The following ERC2 variants were observed in gnomAD, a reference collection of about 807,000 sequenced individuals.
ERC2 encodes the protein ELKS/RAB6-interacting/CAST family member 2.
ERC2 carries 42 observed loss-of-function variants against 114.8 expected under a neutral mutation model. The observed-to-expected ratio is 0.37, with a 90% CI of 0.29 to 0.47. The LOEUF is 0.47. Among genes scored for constraint, ERC2 ranks in the 20% least tolerant of loss-of-function variants. The pLI is 0.99. For synonymous variants in ERC2, 454 were observed against 425.5 expected (o/e 1.07, Z -0.82); for missense variants, 939 against 1,150.7 (o/e 0.82, Z 2.66).
intron 6 of ERC2, among the ~76,000 whole-genome samples, chr3:56,094,601 A>T (rs9857687): frequency 0.18 from 27,244 of 152,186 alleles, 2,602 homozygotes; most frequent in African/African-American, 0.23. Context: ...ACTTCTAAGG[A>T]CTTTACCTAA....
At chr3:55,901,085 G>C (rs765333995) in intron 13 of ERC2, among the ~76,000 whole-genome samples, 1 of 152,174 alleles carries the variant, frequency 6.6e-6, no homozygotes, top group East Asian at 1.9e-4. Flanking sequence ...AAAATCCCTG[G>C]CTCATTTTCT....
At chr3:56,306,897 T>C (rs185097537) in intron 2 of ERC2, among the ~76,000 whole-genome samples, 40 of 152,310 alleles carry the variant, frequency 2.6e-4, no homozygotes. Context: ...AAGACCTACC[T>C]TACGTCACAG....
intron 2 of ERC2, among the ~76,000 whole-genome samples, chr3:56,353,222 T>C (rs2150531990): frequency 6.6e-6 from 1 of 152,134 alleles, no homozygotes; most frequent in East Asian, 1.9e-4. Context: ...AGATACTGAA[T>C]TGTATGCAAA....
intron 14 of ERC2, among the ~76,000 whole-genome samples, chr3:55,791,542 T>A (rs1023353673): frequency 6.6e-6 from 1 of 152,202 alleles, no homozygotes; most frequent in African/African-American, 2.4e-5. Context: ...GAGAAATGTC[T>A]GAGATGTTTT....
intron 13 of ERC2, among the ~76,000 whole-genome samples, chr3:55,895,442 C>T (rs1178252986): frequency 3.3e-5 from 5 of 152,142 alleles, no homozygotes; most frequent in Non-Finnish European, 4.4e-5. Context: ...TTGACATAAG[C>T]GTAAAGTGAA....
chr3:56,104,795 G>A (rs1292201786), intron 6 of ERC2, among the ~76,000 whole-genome samples: 1 of 152,160 alleles, frequency 6.6e-6, no homozygotes, highest in East Asian at 1.9e-4. Context: ...TGTTCTGGAT[G>A]TTAGGAATAT....
intron 17 of ERC2, among the ~76,000 whole-genome samples, chr3:55,524,428 G>A (rs372799524): frequency 1.1e-4 from 17 of 151,230 alleles, no homozygotes; most frequent in African/African-American, 3.2e-4. Context: ...AGCCAGCCAC[G>A]TTGGCAGCCT....
At chr3:55,901,400 C>G (rs1202198206) in intron 13 of ERC2, among the ~76,000 whole-genome samples, 1 of 152,154 alleles carries the variant, frequency 6.6e-6, no homozygotes, top group Non-Finnish European at 1.5e-5. Context: ...TCTGGAGCAG[C>G]TCAGGGTCCT....
intron 17 of ERC2, among the ~76,000 whole-genome samples, chr3:55,622,076 G>A (rs571000540): frequency 9.9e-5 from 15 of 152,224 alleles, no homozygotes; most frequent in Non-Finnish European, 1.6e-4. Flanking sequence ...TGTTTGCTTC[G>A]TACCGCCATC....
intron 8 of ERC2, among the ~76,000 whole-genome samples, chr3:56,013,878 C>T (rs1307130932): frequency 6.6e-6 from 1 of 152,092 alleles, no homozygotes; most frequent in Non-Finnish European, 1.5e-5. Context: ...AAGAAACCTC[C>T]TAGATGATAA....
chr3:56,383,962 T>G (rs1371446878), intron 2 of ERC2, among the ~76,000 whole-genome samples: 1 of 152,228 alleles, frequency 6.6e-6, no homozygotes, highest in Non-Finnish European at 1.5e-5. Flanking sequence ...ATTTGCCTTC[T>G]TGTGACTGGT....
intron 1 of ERC2, among the ~76,000 whole-genome samples, chr3:56,452,524 G>C (rs1467625722): frequency 9.9e-5 from 15 of 151,992 alleles, no homozygotes; most frequent in Admixed American, 9.8e-4. Context: ...GTTTTAAAAA[G>C]GTGTAAGAGC....
At chr3:55,716,744 C>T (rs864621) in intron 15 of ERC2, among the ~76,000 whole-genome samples, 88,297 of 152,038 alleles carry the variant, frequency 0.58, 25,992 homozygotes, top group South Asian at 0.71. Flanking sequence ...TTATCTCCAC[C>T]TCCACCCTGA....
chr3:56,198,442 A>G (rs2048230739), intron 3 of ERC2, among the ~76,000 whole-genome samples: 1 of 152,134 alleles, frequency 6.6e-6, no homozygotes, highest in Admixed American at 6.6e-5. Flanking sequence ...TGAAGCAGGG[A>G]GGCCAGGGAG....
intron 13 of ERC2, among the ~76,000 whole-genome samples, chr3:55,937,420 C>A (rs151304502): frequency 1.3e-5 from 2 of 152,308 alleles, no homozygotes; most frequent in East Asian, 3.9e-4. Context: ...CACACCTACT[C>A]AAAACCTGTA....
chr3:55,664,378 C>T (rs1698399700), intron 17 of ERC2, among the ~76,000 whole-genome samples: 1 of 152,212 alleles, frequency 6.6e-6, no homozygotes, highest in Non-Finnish European at 1.5e-5. Context: ...AGTAAGCTGT[C>T]AACAAGCTTG....
intron 17 of ERC2, among the ~76,000 whole-genome samples, chr3:55,656,340 A>T (rs918446351): frequency 6.6e-6 from 1 of 152,070 alleles, no homozygotes; most frequent in Non-Finnish European, 1.5e-5. Flanking sequence ...TATTTTTTGT[A>T]GAGCTGGGAG....
At chr3:55,839,457 C>A (rs1447618347) in intron 14 of ERC2, among the ~76,000 whole-genome samples, 1 of 151,808 alleles carries the variant, frequency 6.6e-6, no homozygotes, top group Non-Finnish European at 1.5e-5. Flanking sequence ...ATCATTTAAA[C>A]TTCTAATTAG....
intron 3 of ERC2, among the ~76,000 whole-genome samples, chr3:56,288,743 T>C (rs543160521): frequency 1.3e-5 from 2 of 152,246 alleles, no homozygotes; most frequent in Non-Finnish European, 2.9e-5. Flanking sequence ...CCATCCTGCA[T>C]GGAGTACTCG....
Sources: gnomAD v4.1 joint callset for allele counts (sites outside exome capture counted in the v4.1 genomes callset) on GRCh38, gnomAD v4.1.1 for gene constraint, MANE v1.5 for transcripts, NCBI Gene and HGNC (gene_info 2026-07-23, HGNC 2026-07-21) for gene names.